The following PCDH11X variants were observed in gnomAD, a reference collection of about 807,000 sequenced individuals.
PCDH11X encodes the protein protocadherin-11 X-linked.
In PCDH11X, 18 loss-of-function variants were observed where a neutral mutation model predicts 53.3. That is an observed-to-expected ratio of 0.34 (90% CI 0.23 to 0.50). PCDH11X has a LOEUF of 0.50. Among genes scored for constraint, PCDH11X ranks in the 20% least tolerant of loss-of-function variants. PCDH11X has a pLI of 0.98. For missense variants in PCDH11X, 570 were observed against 1,032.4 expected (o/e 0.55, Z 6.14); for synonymous variants, 279 against 393.3 (o/e 0.71, Z 3.44).
chrX:92,170,678 A>G (rs1352112359), intron 6 of PCDH11X, among the ~76,000 whole-genome samples: 2 of 108,528 alleles, frequency 1.8e-5, no homozygotes, highest in Non-Finnish European at 3.8e-5. Flanking sequence ...GCTAACTGCA[A>G]CCTTAAACTC....
intron 7 of PCDH11X, among the ~76,000 whole-genome samples, chrX:92,250,827 A>C (rs993826461): frequency 1.8e-5 from 2 of 108,961 alleles, no homozygotes; most frequent in African/African-American, 6.6e-5. Context: ...TAAATGTTTA[A>C]ATTTGGGGGT....
intron 9 of PCDH11X, among the ~76,000 whole-genome samples, chrX:92,442,535 A>G (rs143846535): frequency 0.013 from 1,504 of 111,667 alleles, 23 homozygotes; most frequent in East Asian, 0.045. Context: ...GTAAGATGTG[A>G]TGTGCACCAT....
chrX:92,103,268 G>A (rs918060102), intron 6 of PCDH11X, among the ~76,000 whole-genome samples: 13 of 110,925 alleles, frequency 1.2e-4, no homozygotes, highest in Admixed American at 9.6e-5. Flanking sequence ...GCATAAAAGC[G>A]TGTTGTCTAA....
chrX:92,030,088 A>G lies in PCDH11X; in HGVS notation c.3033+150815A>G, dbSNP rs762858201. ...AGCGATTCTCCTCCCTCAGCTTCAC[A>G]AGTAGCTGGGACTACAGGCACGTGC... On this transcript the variant is annotated intron_variant, in intron 6 of 10. Coordinates refer to ENST00000682573, the MANE Select transcript of PCDH11X (RefSeq NM_032968.5). Among the ~76,000 whole-genome samples the G allele has an allele frequency of 2.7e-5, 3 of 111,574 alleles. No individual in the cohort carries two copies. The East Asian group carries it at 8.6e-4, about 32-fold the overall frequency.
intron 4 of PCDH11X, among the ~76,000 whole-genome samples, chrX:91,827,675 C>A (rs1602310233): frequency 9.0e-6 from 1 of 110,652 alleles, no homozygotes; most frequent in African/African-American, 3.3e-5. Context: ...CATGGCTACC[C>A]AGATGTCCCA....
chrX:91,975,211 T>C (rs1010044406), intron 6 of PCDH11X, among the ~76,000 whole-genome samples: 5 of 111,587 alleles, frequency 4.5e-5, no homozygotes, highest in African/African-American at 1.6e-4. Flanking sequence ...TCAGTTTCTA[T>C]ATTTATTAGG....
At chrX:92,217,454 G>A (rs1409748462) in intron 7 of PCDH11X, among the ~76,000 whole-genome samples, 1 of 98,474 alleles carries the variant, frequency 1.0e-5, no homozygotes, top group Non-Finnish European at 2.1e-5. Flanking sequence ...AAGAGACAAA[G>A]AAGGCCATTA....
chrX:91,946,599 A>ATATAT (rs58031232), intron 6 of PCDH11X, among the ~76,000 whole-genome samples: 1 of 76,111 alleles, frequency 1.3e-5, no homozygotes, highest in African/African-American at 5.1e-5. Context: ...ATATATATAT[A>ATATAT]GCTATTTAAA....
rs770466241 is a variant in PCDH11X, at chrX:92,618,535, G to A, written c.3639G>A (p.Pro1213=). The A allele has an allele frequency of 9.1e-6, 11 of 1,211,144 alleles. No individual in the cohort carries two copies. Among genetic ancestry groups the A allele is most frequent in the Middle Eastern group, 2.3e-4 (1 of 4,349 alleles). Residue 1213 remains proline (P), a synonymous_variant, in exon 11 of 11, where the codon CCG becomes CCA. Transcript: ENST00000682573. ...TCGCATTGTGCCACAGCCCACCACC[G>A]ATACAGGTGTCTGCTCTCCACCACA... ...QTIALCHSPP[P]IQVSALHHSP...
intron 8 of PCDH11X, among the ~76,000 whole-genome samples, chrX:92,290,860 G>A (rs2148457065): frequency 9.6e-6 from 1 of 104,595 alleles, no homozygotes; most frequent in Admixed American, 1.0e-4. Flanking sequence ...TGAGGATGTA[G>A]TTAGTGGATG....
chrX:92,325,106 G>C (rs1180159579), intron 8 of PCDH11X, among the ~76,000 whole-genome samples: 1 of 111,539 alleles, frequency 9.0e-6, no homozygotes, highest in Non-Finnish European at 1.9e-5. Flanking sequence ...ATTGTGAATA[G>C]TGCTGCAATG....
intron 7 of PCDH11X, among the ~76,000 whole-genome samples, chrX:92,250,914 T>C (rs1245404393): frequency 4.6e-5 from 5 of 109,749 alleles, no homozygotes; most frequent in African/African-American, 9.9e-5. Flanking sequence ...GTTCCAAAAA[T>C]TGGCCATGGC....
chrX:91,918,728 G>A (rs1941651783), intron 6 of PCDH11X, among the ~76,000 whole-genome samples: 1 of 111,267 alleles, frequency 9.0e-6, no homozygotes, highest in Non-Finnish European at 1.9e-5. Flanking sequence ...TTATTTCAGG[G>A]AATTTTTGTT....
chrX:92,138,509 A>T (rs1311247948), intron 6 of PCDH11X, among the ~76,000 whole-genome samples: 1 of 109,540 alleles, frequency 9.1e-6, no homozygotes, highest in Non-Finnish European at 1.9e-5. Context: ...ACATAAAATT[A>T]AAATTAACAA....
intron 8 of PCDH11X, among the ~76,000 whole-genome samples, chrX:92,272,002 A>G (rs900946783): frequency 8.9e-6 from 1 of 112,088 alleles, no homozygotes; most frequent in African/African-American, 3.2e-5. Flanking sequence ...TTGACAATAC[A>G]TGATGGTATT....
At chrX:92,124,885 A>T (rs1476142624) in intron 6 of PCDH11X, among the ~76,000 whole-genome samples, 1 of 110,661 alleles carries the variant, frequency 9.0e-6, no homozygotes, top group Non-Finnish European at 1.9e-5. Context: ...TTTCCTACTA[A>T]ATTGTGAGCT....
At chrX:92,275,641 A>C in intron 8 of PCDH11X, among the ~76,000 whole-genome samples, 1 of 112,113 alleles carries the variant, frequency 8.9e-6, no homozygotes, top group Non-Finnish European at 1.9e-5. Flanking sequence ...TAGGCAAAAC[A>C]ATTTGGTTGA....
rs923449142 is a variant in PCDH11X at position 91,893,753 on chromosome X, A to G, written c.3033+14480A>G. Among the ~76,000 whole-genome samples, 14 of 111,127 alleles carry G rather than the reference A, an allele frequency of 1.3e-4. 1 individual carries two copies. The highest frequency in any genetic ancestry group is 2.8e-4 in the East Asian group (1 of 3,528). ...GGAGAAACCATGGGATATCAAATGTACATATATGTATGTCCAAATTATAAC... is the reference window on the plus strand; with the variant it reads ...GGAGAAACCATGGGATATCAAATGTGCATATATGTATGTCCAAATTATAAC... On this transcript the variant is annotated intron_variant, in intron 6 of 10. Coordinates refer to ENST00000682573, the MANE Select transcript of PCDH11X (RefSeq NM_032968.5).
At chrX:91,809,343 C>T (rs922403582) in intron 1 of PCDH11X, among the ~76,000 whole-genome samples, 123 bp from the exon 2 acceptor site, 2 of 110,721 alleles carry the variant, frequency 1.8e-5, no homozygotes, top group Non-Finnish European at 3.8e-5. Flanking sequence ...TCACATTCTT[C>T]GGTACTATCA....
Sources: allele counts gnomAD v4.1 joint callset (sites outside exome capture counted in the v4.1 genomes callset), GRCh38; gene constraint gnomAD v4.1.1; transcripts MANE v1.5; gene names NCBI Gene and HGNC (gene_info 2026-07-23, HGNC 2026-07-21).